The following DNAH6 variants were observed in gnomAD, a reference collection of about 807,000 sequenced individuals.
DNAH6 encodes dynein axonemal heavy chain 6, also known as axonemal beta dynein heavy chain 6.
In DNAH6, 340 loss-of-function variants were observed where a neutral mutation model predicts 491.4. The observed-to-expected ratio is 0.69, with a 90% CI of 0.63 to 0.76. The LOEUF is 0.76. DNAH6 is among the 30% of genes least tolerant of loss of function. The pLI, the probability that DNAH6 is intolerant of heterozygous loss-of-function variation, is 0.00. For missense variants in DNAH6, 4,443 were observed against 4,972.2 expected (o/e 0.89, Z 3.20); for synonymous variants, 1,603 against 1,686.1 (o/e 0.95, Z 1.21).
At chr2:84,600,968 C>T in intron 18 of DNAH6, among the ~76,000 whole-genome samples, 1 of 138,360 alleles carries the variant, frequency 7.2e-6, no homozygotes, top group African/African-American at 3.1e-5. Context: ...AATAATAACA[C>T]TATATTATTA....
At chr2:84,488,387 A>T in the DNAH6 span, among the ~76,000 whole-genome samples, 2 of 89,012 alleles carry the variant, frequency 2.2e-5, no homozygotes, top group African/African-American at 5.5e-5. Context: ...AAAAAAAATT[A>T]AAAAATAAAA....
intron 4 of DNAH6, among the ~76,000 whole-genome samples, chr2:84,541,094 A>C (rs1678199335): frequency 6.6e-6 from 1 of 152,146 alleles, no homozygotes. Flanking sequence ...AACATCCAAA[A>C]CCACTCTCTA....
At chr2:84,696,121 G>A (rs993675649) in intron 46 of DNAH6, among the ~76,000 whole-genome samples, 9 of 151,660 alleles carry the variant, frequency 5.9e-5, no homozygotes, top group Non-Finnish European at 1.3e-4. Flanking sequence ...ACTATGATTA[G>A]ATATTTTACA....
rs2104866810 is a variant in DNAH6, at chr2:84,709,554, G to A, written c.9252+8G>A. 1.3e-6 allele frequency: 2 copies of A among 1,551,424 alleles called. No homozygotes were observed. The highest frequency in any genetic ancestry group is 1.7e-6 in the Non-Finnish European group (2 of 1,146,982). ...ATTGATCCCCAAGATCAGGTGTGTA[G>A]CAAATGCTTAAGAGAGTGGCTTTTG... On this transcript the variant is annotated splice_region_variant and intron_variant, in intron 55 of 76. Transcript: ENST00000389394.
At chr2:84,781,224 G>A (rs185258077) in intron 64 of DNAH6, among the ~76,000 whole-genome samples, 18 of 152,170 alleles carry the variant, frequency 1.2e-4, no homozygotes, top group African/African-American at 4.3e-4. Flanking sequence ...TGTCTCTAGT[G>A]TATCAGCACA....
rs546842330 is a variant in DNAH6, at chr2:84,712,794, C to A, written c.9379-301C>A. Among the ~76,000 whole-genome samples the A allele has an allele frequency of 5.3e-5, 8 of 152,288 alleles. No homozygotes were observed. The South Asian group carries it at 1.7e-3, about 32-fold the overall frequency. On this transcript the variant is annotated intron_variant, in intron 56 of 76. Coordinates refer to ENST00000389394, the MANE Select transcript of DNAH6 (RefSeq NM_001370.2). ...TTGTGTGGAGCCTGTTGAAGTCCAACCCACAATGACTTAATCTACCCAGTT... is the reference window on the plus strand; with the variant it reads ...TTGTGTGGAGCCTGTTGAAGTCCAAACCACAATGACTTAATCTACCCAGTT...
chr2:84,680,761 T>C (rs1693704375), intron 41 of DNAH6, among the ~76,000 whole-genome samples: 1 of 151,586 alleles, frequency 6.6e-6, no homozygotes, highest in Non-Finnish European at 1.5e-5. Flanking sequence ...GGGGCCAGGA[T>C]GGGGTGATGT....
intron 50 of DNAH6, among the ~76,000 whole-genome samples, chr2:84,703,803 A>T (rs980399030): frequency 3.3e-5 from 5 of 152,144 alleles, no homozygotes; most frequent in African/African-American, 1.2e-4. Flanking sequence ...AATAGGACAG[A>T]GAATTGTGAG....
chr2:84,481,722 C>T, the DNAH6 span, among the ~76,000 whole-genome samples: 5 of 152,202 alleles, frequency 3.3e-5, no homozygotes, highest in Non-Finnish European at 7.3e-5. Context: ...ATGCTTATGA[C>T]AATCATAAGG....
At chr2:84,581,331 C>T (rs1683000372) in intron 14 of DNAH6, among the ~76,000 whole-genome samples, 1 of 152,192 alleles carries the variant, frequency 6.6e-6, no homozygotes, top group Non-Finnish European at 1.5e-5. Flanking sequence ...GGGAGATTCT[C>T]TGCACACACA....
At chr2:84,524,069 C>T (rs943638137) in intron 2 of DNAH6, among the ~76,000 whole-genome samples, 2 of 151,878 alleles carry the variant, frequency 1.3e-5, no homozygotes, top group African/African-American at 4.8e-5. Flanking sequence ...AACTATTGTT[C>T]TTTGGGAGCT....
At chr2:84,499,934 G>A in the DNAH6 span, among the ~76,000 whole-genome samples, 5 of 150,816 alleles carry the variant, frequency 3.3e-5, no homozygotes, top group Admixed American at 2.6e-4. Flanking sequence ...TATATATTCC[G>A]GTTAGTAATC....
At chr2:84,588,074 C>A (rs1433327023) in intron 15 of DNAH6, among the ~76,000 whole-genome samples, 1 of 152,216 alleles carries the variant, frequency 6.6e-6, no homozygotes, top group Non-Finnish European at 1.5e-5. Flanking sequence ...CTACCAGAAT[C>A]AAGACACATG....
the DNAH6 span, among the ~76,000 whole-genome samples, chr2:84,503,123 A>T: frequency 4.6e-5 from 7 of 151,712 alleles, no homozygotes; most frequent in African/African-American, 1.7e-4. Flanking sequence ...TGGTGATATT[A>T]CTTAGTTTTG....
Position 84,729,319 on chromosome 2 carries a change from C to T in DNAH6, c.10206+1417C>T, listed in dbSNP as rs570520779. Among the ~76,000 whole-genome samples the T allele has an allele frequency of 2.0e-5, 3 of 152,292 alleles. No individual in the cohort carries two copies. In the South Asian group the frequency reaches 6.2e-4, roughly 32 times the overall value. On this transcript the variant is annotated intron_variant, in intron 61 of 76. Coordinates refer to ENST00000389394, the MANE Select transcript of DNAH6 (RefSeq NM_001370.2). The stretch of plus-strand genomic sequence containing the variant: ...TTAAGTAACTTGTCCTGATAACACA[C>T]TTAACAGGACCTGGAACCGGGATTT...
chr2:84,699,786 A>G, intron 48 of DNAH6, 52 bp downstream of exon 48: 1 of 1,534,702 alleles, frequency 6.5e-7, no homozygotes, highest in Non-Finnish European at 8.8e-7. Flanking sequence ...GCTTGACTTT[A>G]AAGGGGTAAC....
the DNAH6 span, among the ~76,000 whole-genome samples, chr2:84,500,209 T>TCTG: frequency 1.3e-5 from 2 of 152,204 alleles, no homozygotes; most frequent in Non-Finnish European, 2.9e-5. Context: ...GATTTTTGTA[T>TCTG]ATGGTGAGAG....
At chr2:84,495,663 A>G in the DNAH6 span, among the ~76,000 whole-genome samples, 1 of 152,208 alleles carries the variant, frequency 6.6e-6, no homozygotes, top group Admixed American at 6.5e-5. Flanking sequence ...TAATGCCTCA[A>G]GTTCCTTTCA....
Position 84,762,760 on chromosome 2 carries a change from T to G in DNAH6, c.10518T>G (p.Val3506=). ...TTTTTCTTTTCAACTTTCAGGTGGT[T>G]TTTGCTCTTACAGACTTTGTGATAG... The part of the protein sequence containing the change: ...LIKCCKEEKV[V]FALTDFVIEN... Residue 3506 remains valine, a synonymous_variant, in exon 64 of 77, where the codon GTT becomes GTG. Transcript: ENST00000389394. The G allele has an allele frequency of 6.5e-7, 1 of 1,543,542 alleles. No homozygotes were observed. Among genetic ancestry groups the G allele is most frequent in the Non-Finnish European group, 8.7e-7 (1 of 1,143,956 alleles).
Sources: allele counts gnomAD v4.1 joint callset (sites outside exome capture counted in the v4.1 genomes callset), GRCh38; gene constraint gnomAD v4.1.1; transcripts MANE v1.5; gene names NCBI Gene and HGNC (gene_info 2026-07-23, HGNC 2026-07-21).